PRTFDC1: variants seen among roughly 807,000 people sequenced by gnomAD.
PRTFDC1 encodes the protein phosphoribosyl transferase domain containing 1, also known as phosphoribosyltransferase domain-containing protein 1.
Under a neutral mutation model 34.6 loss-of-function variants are expected in PRTFDC1, and 38 were observed. The observed-to-expected ratio is 1.10, with a 90% confidence interval of 0.85 to 1.44. The LOEUF is 1.44. Among genes scored for constraint, PRTFDC1 ranks in the 40% most tolerant of loss-of-function variants. The pLI is 0.00. For missense variants in PRTFDC1, 270 were observed against 283.0 expected, an observed-to-expected ratio of 0.95 and a Z score of 0.33; for synonymous variants, 93 against 98.1, an observed-to-expected ratio of 0.95 and a Z score of 0.31.
chr10:24,856,320 C>T (rs1847575566), intron 6 of PRTFDC1, among the ~76,000 whole-genome samples: 1 of 151,368 alleles, frequency 6.6e-6, no homozygotes, highest in Non-Finnish European at 1.5e-5. Flanking sequence ...GGTGCAGTGG[C>T]TCGTGCCTGT....
At chr10:24,879,278 C>G (rs1455093502) in intron 3 of PRTFDC1, among the ~76,000 whole-genome samples, 1 of 151,946 alleles carries the variant, frequency 6.6e-6, no homozygotes, top group Non-Finnish European at 1.5e-5. Context: ...GAGCCAGGGT[C>G]AGTGAAGCTC....
intron 1 of PRTFDC1, among the ~76,000 whole-genome samples, chr10:24,949,711 TTTTGTTTA>T (rs1332223763): frequency 2.2e-5 from 3 of 137,398 alleles, no homozygotes; most frequent in African/African-American, 8.9e-5. Flanking sequence ...TACTCATTTT[TTTTGTTTA>T]TTTATTTATT....
At chr10:24,922,167 G>A (rs1848801604) in intron 3 of PRTFDC1, among the ~76,000 whole-genome samples, 1 of 152,082 alleles carries the variant, frequency 6.6e-6, no homozygotes, top group Non-Finnish European at 1.5e-5. Context: ...TGGTCTTGAT[G>A]CTAAATTTTA....
At position 24,849,757 on chromosome 10, in the gene PRTFDC1, C is replaced by T; in HGVS notation, c.*87G>A. The T allele has an allele frequency of 1.5e-6, 2 of 1,318,316 alleles. No homozygotes were observed. The highest frequency in any genetic ancestry group is 2.2e-6 in the Non-Finnish European group (2 of 915,460). 81.7% of individuals were successfully genotyped at this position (1,318,316 alleles called of 1,614,324 possible). ...TTTATATCCTGCTGAGTGAAGATGC[C>T]TGGGGGGACAAACTTGACAGCTGGC... On this transcript the variant is annotated 3_prime_UTR_variant, in exon 9 of 9. Transcript: ENST00000320152.
In PRTFDC1 at chr10:24,852,083, T is replaced by G. The variant is rs569729272; in HGVS notation, c.554-619A>C. Among the ~76,000 whole-genome samples the G allele has an allele frequency of 2.0e-5, 3 of 152,188 alleles. No homozygotes were observed. The East Asian group carries it at 5.8e-4, about 29-fold the overall frequency. On this transcript the variant is annotated intron_variant, in intron 7 of 8. Coordinates refer to ENST00000320152, the MANE Select transcript of PRTFDC1 (RefSeq NM_020200.7). ...CAGAGGATATTAATGAGCTCCCTAC[T>G]GAGGGCAGAATGAGAGGAAATGGAT...
chr10:24,892,222 A>C (rs2132540146), intron 3 of PRTFDC1, among the ~76,000 whole-genome samples: 1 of 152,256 alleles, frequency 6.6e-6, no homozygotes, highest in South Asian at 2.1e-4. Context: ...CCTGGGCTCA[A>C]GCAATCCACC....
intron 2 of PRTFDC1, among the ~76,000 whole-genome samples, chr10:24,938,358 C>A (rs565106643): frequency 1.3e-5 from 2 of 152,102 alleles, no homozygotes; most frequent in Non-Finnish European, 2.9e-5. Context: ...GGAAATCAAC[C>A]AAAGGCATAC....
chr10:24,909,709 T>C (rs1848597747), intron 3 of PRTFDC1, among the ~76,000 whole-genome samples: 1 of 152,218 alleles, frequency 6.6e-6, no homozygotes, highest in Admixed American at 6.5e-5. Flanking sequence ...ACCCTCTACA[T>C]TGAGAAAGGC....
At chr10:24,878,134 G>A (rs1024243497) in intron 3 of PRTFDC1, among the ~76,000 whole-genome samples, 3 of 152,004 alleles carry the variant, frequency 2.0e-5, no homozygotes, top group East Asian at 1.9e-4. Flanking sequence ...GTAGCCTGGC[G>A]TGGTGGCGAG....
chr10:24,885,326 G>A (rs369355315), intron 3 of PRTFDC1, among the ~76,000 whole-genome samples: 7 of 152,290 alleles, frequency 4.6e-5, no homozygotes, highest in African/African-American at 1.7e-4. Flanking sequence ...CTATGAGGCA[G>A]GATCCAGCAA....
intron 7 of PRTFDC1, among the ~76,000 whole-genome samples, chr10:24,852,280 G>A (rs992991307): frequency 6.6e-6 from 1 of 151,936 alleles, no homozygotes; most frequent in Non-Finnish European, 1.5e-5. Flanking sequence ...AGTTTCCCGA[G>A]TAGCTGGGAA....
intron 2 of PRTFDC1, among the ~76,000 whole-genome samples, chr10:24,941,187 G>A (rs765039041): frequency 6.6e-6 from 1 of 151,894 alleles, no homozygotes; most frequent in Non-Finnish European, 1.5e-5. Flanking sequence ...CCTAGTAGCT[G>A]GGACTACAGG....
chr10:24,851,435 C>A lies in PRTFDC1; in HGVS notation c.583G>T (p.Val195Leu). Residue 195 changes from valine (V) to leucine (L), a missense_variant, in exon 8 of 9, where the codon GTG becomes TTG. Transcript: ENST00000320152. ...YAGFEIPNLF[V>L]VGYALDYNEY... ...TTGTAATCTAAGGCATATCCCACCACAAATAAGTTTGGAATCTCAAATCCA... is the reference window on the plus strand; with the variant it reads ...TTGTAATCTAAGGCATATCCCACCAAAAATAAGTTTGGAATCTCAAATCCA... 1.9e-6 allele frequency: 3 copies of A among 1,609,680 alleles called. No individual in the cohort carries two copies. Among genetic ancestry groups the A allele is most frequent in the Non-Finnish European group, 1.7e-6 (2 of 1,178,904 alleles).
intron 1 of PRTFDC1, among the ~76,000 whole-genome samples, chr10:24,947,631 T>A (rs75187794): frequency 6.9e-6 from 1 of 145,940 alleles, no homozygotes; most frequent in East Asian, 1.9e-4. Context: ...TTAAAAATAA[T>A]TTTTTTTGTG....
chr10:24,933,948 C>T (rs1226771294), intron 3 of PRTFDC1, among the ~76,000 whole-genome samples: 1 of 152,066 alleles, frequency 6.6e-6, no homozygotes, highest in African/African-American at 2.4e-5. Context: ...CCGACTCGGC[C>T]TGCCAAAGTG....
chr10:24,923,466 C>T (rs1019772070), intron 3 of PRTFDC1, among the ~76,000 whole-genome samples: 4 of 152,186 alleles, frequency 2.6e-5, no homozygotes, highest in Non-Finnish European at 5.9e-5. Context: ...GATCAGGCAG[C>T]AATATTTGCT....
At chr10:24,912,314 G>GTT (rs35378162) in intron 3 of PRTFDC1, among the ~76,000 whole-genome samples, 2,582 of 118,712 alleles carry the variant, frequency 0.022, 159 homozygotes, top group African/African-American at 0.074. Flanking sequence ...TTGCTGAAGA[G>GTT]TTTTTTTTTT....
intron 3 of PRTFDC1, chr10:24,908,739 C>G (rs1848579574): frequency 6.6e-7 from 1 of 1,513,664 alleles, no homozygotes; most frequent in South Asian, 1.3e-5. Context: ...ACCTACCTAG[C>G]CAGCCCGATC....
At chr10:24,866,792 AAG>A (rs111304267) in intron 4 of PRTFDC1, among the ~76,000 whole-genome samples, 90,800 of 148,304 alleles carry the variant, frequency 0.61, 28,561 homozygotes, top group Non-Finnish European at 0.7. Flanking sequence ...AAAAGAAAGA[AAG>A]AGAGAGAGAG....
Sources: gnomAD v4.1 joint callset for allele counts (sites outside exome capture counted in the v4.1 genomes callset) on GRCh38, gnomAD v4.1.1 for gene constraint, MANE v1.5 for transcripts, NCBI Gene and HGNC (gene_info 2026-07-23, HGNC 2026-07-21) for gene names.